The following SPSB1 variants were observed in gnomAD, a reference collection of about 807,000 sequenced individuals.
SPSB1 encodes splA/ryanodine receptor domain and SOCS box containing 1, also known as SPRY domain-containing SOCS box protein 1.
A neutral mutation model predicts 21.2 loss-of-function variants in SPSB1; 8 were observed. That is an observed-to-expected ratio of 0.38 (90% CI 0.22 to 0.68). The LOEUF (loss-of-function observed/expected upper bound fraction) is 0.68. Among genes scored for constraint, SPSB1 ranks in the 30% least tolerant of loss-of-function variants. The pLI is 0.53. For synonymous variants in SPSB1, 169 were observed against 161.7 expected (o/e 1.05, Z -0.34); for missense variants, 242 against 377.8 (o/e 0.64, Z 2.98).
chr1:9,357,894 A>T (rs1021933718), intron 2 of SPSB1, among the ~76,000 whole-genome samples: 2 of 152,146 alleles, frequency 1.3e-5, no homozygotes, highest in African/African-American at 2.4e-5. Context: ...ACCGCCTGCA[A>T]GTCCCACGTT....
chr1:9,313,115 G>C (rs1639549876), intron 1 of SPSB1, among the ~76,000 whole-genome samples: 2 of 152,212 alleles, frequency 1.3e-5, no homozygotes. Flanking sequence ...AAAAAGTCAA[G>C]TCCGGGCGCG....
At chr1:9,341,838 A>G (rs550756171) in intron 1 of SPSB1, among the ~76,000 whole-genome samples, 26 of 152,240 alleles carry the variant, frequency 1.7e-4, no homozygotes, top group African/African-American at 6.0e-4. Context: ...GAGTAGCTGG[A>G]ATTACAGGCA....
intron 1 of SPSB1, 32 bp from the exon 2 acceptor site, chr1:9,355,711 G>C: frequency 7.5e-7 from 1 of 1,342,222 alleles, no homozygotes; most frequent in South Asian, 2.5e-5. Flanking sequence ...CCACAGTCCT[G>C]CTCACCGGTT....
In SPSB1 at chr1:9,356,903, G is replaced by A. The variant is rs4908852; in HGVS notation, c.694+318G>A. 0.49 allele frequency among the ~76,000 whole-genome samples: 73,998 copies of A among 151,982 alleles called. 18,823 individuals are homozygous for A. The highest frequency in any genetic ancestry group is 0.59 in the East Asian group (3,071 of 5,166). On this transcript the variant is annotated intron_variant, in intron 2 of 2. Transcript: ENST00000328089. This position sits in a 1 kb window ranked among gnomAD's most constrained non-coding sequence, Gnocchi z 7.4. Reference sequence around the variant, plus strand: ...ATAGATGAGTGAATAATGGATGGATGCGTGTATAATGAATTGATGGATGAA... The same window carrying A: ...ATAGATGAGTGAATAATGGATGGATACGTGTATAATGAATTGATGGATGAA...
Position 9,321,068 on chromosome 1 carries a change from AC to A in SPSB1, c.-150+27998del, listed in dbSNP as rs1233036825. ...AAAAGGCAGCCGTGTAATTACAGGT[AC>A]TGGAAATAGTCCTGTTTCCCTTTCA... On this transcript the variant is annotated intron_variant, in intron 1 of 2. Coordinates refer to ENST00000328089, the MANE Select transcript of SPSB1 (RefSeq NM_025106.4). This position sits in a 1 kb window ranked among gnomAD's most constrained non-coding sequence, Gnocchi z 4.8. 6.6e-6 allele frequency among the ~76,000 whole-genome samples: 1 copy of A among 152,162 alleles called. No individual in the cohort carries two copies. Among genetic ancestry groups the A allele is most frequent in the Non-Finnish European group, 1.5e-5 (1 of 68,032 alleles).
rs191832430 is a variant in SPSB1 at position 9,324,714 on chromosome 1, G to C, written c.-149-31029G>C. Among the ~76,000 whole-genome samples, 1 of 152,178 alleles carries C rather than the reference G, an allele frequency of 6.6e-6. No homozygotes were observed. The highest frequency in any genetic ancestry group is 2.4e-5 in the African/African-American group (1 of 41,444). On this transcript the variant is annotated intron_variant, in intron 1 of 2. Transcript: ENST00000328089. This position sits in a 1 kb window ranked among gnomAD's most constrained non-coding sequence, Gnocchi z 4.3. ...AGGCAGCGGCCAGCCAGCATCTCCC[G>C]GAGCCCAGAATCTCTCTGGGAATGA...
At chr1:9,355,612 C>A in intron 1 of SPSB1, 131 bp from the exon 2 acceptor site, 1 of 1,046,644 alleles carries the variant, frequency 9.6e-7, no homozygotes, top group Non-Finnish European at 1.2e-6. Context: ...TCCAGCCTGC[C>A]CGTGTCAGGC....
At chr1:9,295,848 G>A (rs1639215547) in intron 1 of SPSB1, among the ~76,000 whole-genome samples, 1 of 152,200 alleles carries the variant, frequency 6.6e-6, no homozygotes, top group Non-Finnish European at 1.5e-5. Flanking sequence ...ATAGGTTGTA[G>A]CTGGTGTGCA....
intron 2 of SPSB1, among the ~76,000 whole-genome samples, chr1:9,359,614 A>G (rs11577627): frequency 0.22 from 33,231 of 150,918 alleles, 3,707 homozygotes; most frequent in East Asian, 0.35. Flanking sequence ...AGGCAGGAGA[A>G]TTGCTTGAAC....
At chr1:9,344,811 C>G (rs1437485017) in intron 1 of SPSB1, among the ~76,000 whole-genome samples, 1 of 152,046 alleles carries the variant, frequency 6.6e-6, no homozygotes, top group Non-Finnish European at 1.5e-5. Flanking sequence ...TTCCTGAGTC[C>G]TCAGATCCCT....
intron 1 of SPSB1, among the ~76,000 whole-genome samples, chr1:9,311,780 G>A (rs1280983001): frequency 1.3e-5 from 2 of 152,226 alleles, no homozygotes; most frequent in East Asian, 3.9e-4. Context: ...GTGTGTTTGG[G>A]ATGGGACCTC....
chr1:9,332,029 G>A (rs1294023), intron 1 of SPSB1, among the ~76,000 whole-genome samples: 30,098 of 152,024 alleles, frequency 0.2, 3,348 homozygotes, highest in African/African-American at 0.29. Context: ...TCTTTTGTAC[G>A]TGTTTGAATT....
rs1199316984 is a variant in SPSB1, at chr1:9,368,388, A to AG, written c.*818dup. 6.6e-6 allele frequency: 1 copy of AG among 151,996 alleles called. No individual in the cohort carries two copies. The highest frequency in any genetic ancestry group is 1.5e-5 in the Non-Finnish European group (1 of 67,976). 9.4% of individuals were successfully genotyped at this position (151,996 alleles called of 1,614,324 possible). On this transcript the variant is annotated 3_prime_UTR_variant, in exon 3 of 3. Transcript: ENST00000328089. ...CTGGGTCCCTTGCCCTGCAGTTTCC[A>AG]GGGGGCTCTGCTCCAAGTTCCCTAG...
At position 9,333,871 on chromosome 1, in the gene SPSB1, G is replaced by C. The variant is rs143561029; in HGVS notation, c.-149-21872G>C. Among the ~76,000 whole-genome samples the C allele has an allele frequency of 1.3e-3, 192 of 152,350 alleles. 1 individual carries two copies. Among genetic ancestry groups the C allele is most frequent in the African/African-American group, 4.4e-3 (184 of 41,594 alleles). The stretch of plus-strand genomic sequence containing the variant: ...TCCGGGGAAAACAGCTCAAGGTAGA[G>C]AGGACCTGGCTGTTGGCTGGCTCAG... On this transcript the variant is annotated intron_variant, in intron 1 of 2. Coordinates refer to ENST00000328089, the MANE Select transcript of SPSB1 (RefSeq NM_025106.4).
In SPSB1 at chr1:9,368,168, C is replaced by T. The variant is rs921908617; in HGVS notation, c.*593C>T. On this transcript the variant is annotated 3_prime_UTR_variant, in exon 3 of 3. Transcript: ENST00000328089. Reference sequence around the variant, plus strand: ...CAGCACCCATCCTGGCTGCCGGTGCCCCGTACCCTGTATTTATTCTTTTAA... The same window carrying T: ...CAGCACCCATCCTGGCTGCCGGTGCTCCGTACCCTGTATTTATTCTTTTAA... 2 of 154,326 alleles carry T rather than the reference C, an allele frequency of 1.3e-5. No individual in the cohort carries two copies. The highest frequency in any genetic ancestry group is 2.9e-5 in the Non-Finnish European group (2 of 69,212). 9.6% of individuals were successfully genotyped at this position (154,326 alleles called of 1,614,324 possible).
At chr1:9,343,714 C>CT (rs1344842216) in intron 1 of SPSB1, among the ~76,000 whole-genome samples, 2 of 152,288 alleles carry the variant, frequency 1.3e-5, no homozygotes, top group African/African-American at 2.4e-5. Context: ...CAGTTGTGAC[C>CT]TTTTTTTCAC....
At chr1:9,350,929 C>G (rs1034525811) in intron 1 of SPSB1, among the ~76,000 whole-genome samples, 1 of 152,194 alleles carries the variant, frequency 6.6e-6, no homozygotes, top group Admixed American at 6.5e-5. Context: ...GTGCTGGATG[C>G]CCTCCTGGCC....
intron 1 of SPSB1, among the ~76,000 whole-genome samples, chr1:9,327,411 G>C (rs143828613): frequency 1.5e-3 from 225 of 152,260 alleles, no homozygotes; most frequent in African/African-American, 4.7e-3. Context: ...GATAGTAGCT[G>C]CTGGAAATGA....
chr1:9,325,238 G>GCT lies in SPSB1; in HGVS notation c.-149-30504_-149-30503insTC, dbSNP rs1639799444. On this transcript the variant is annotated intron_variant, in intron 1 of 2. Transcript: ENST00000328089. Reference sequence around the variant, plus strand: ...CCTCCCACCACCACCCCCCCCCCCCGCCCCGCCTCCACCGGTGCAGATGGA... The same window carrying GCT: ...CCTCCCACCACCACCCCCCCCCCCCGCTCCCCGCCTCCACCGGTGCAGATGGA... Among the ~76,000 whole-genome samples the GCT allele has an allele frequency of 1.5e-5, 2 of 131,370 alleles. 1 individual carries two copies. Among genetic ancestry groups the GCT allele is most frequent in the Non-Finnish European group, 3.1e-5 (2 of 65,422 alleles). 86.2% of individuals were successfully genotyped at this position (131,370 alleles called of 152,430 possible). A position where few individuals can be genotyped will look rare whatever the true frequency, so the allele number is the denominator to read the frequency against.
Sources: gnomAD v4.1 joint callset for allele counts (sites outside exome capture counted in the v4.1 genomes callset) on GRCh38, gnomAD v4.1.1 for gene constraint, Gnocchi (gnomAD v3.1) non-coding constraint, MANE v1.5 for transcripts, NCBI Gene and HGNC (gene_info 2026-07-23, HGNC 2026-07-21) for gene names.